NFKB1: variants seen among roughly 807,000 people sequenced by gnomAD.
The protein encoded by NFKB1 is nuclear factor kappa B subunit 1, also known as nuclear factor NF-kappa-B p105 subunit.
A neutral mutation model predicts 105.1 loss-of-function variants in NFKB1; 9 were observed. The ratio of observed to expected loss-of-function variants is 0.09; its 90% confidence interval spans 0.05 to 0.15. The LOEUF is 0.15. Among genes scored for constraint, NFKB1 ranks in the 10% least tolerant of loss-of-function variants. NFKB1 has a pLI of 1.00. For synonymous variants in NFKB1, 440 were observed against 442.2 expected, an observed-to-expected ratio of 1.00 and a Z score of 0.06; for missense variants, 830 against 1,203.7, an observed-to-expected ratio of 0.69 and a Z score of 4.59.
intron 5 of NFKB1, among the ~76,000 whole-genome samples, chr4:102,539,095 G>C (rs533213885): frequency 1.3e-5 from 2 of 152,018 alleles, no homozygotes; most frequent in African/African-American, 4.8e-5. Flanking sequence ...AAATTAGCTG[G>C]GTGTGGTGGT....
At chr4:102,563,902 A>G (rs1578766849) in intron 5 of NFKB1, among the ~76,000 whole-genome samples, 1 of 149,640 alleles carries the variant, frequency 6.7e-6, no homozygotes, top group African/African-American at 2.5e-5. Context: ...GCTCACTGCA[A>G]CCTCCACCTC....
chr4:102,514,027 T>C (rs992849329), intron 1 of NFKB1, among the ~76,000 whole-genome samples: 6 of 151,594 alleles, frequency 4.0e-5, no homozygotes, highest in African/African-American at 1.5e-4. Flanking sequence ...TACAAAAACT[T>C]AGCCAGGCGT....
intron 5 of NFKB1, among the ~76,000 whole-genome samples, chr4:102,551,365 T>TGCGCGCGC (rs35449997): frequency 5.6e-4 from 71 of 127,606 alleles, no homozygotes; most frequent in East Asian, 2.1e-3. Context: ...TGTGTGTGTG[T>TGCGCGCGC]GTGCGCGCGC....
chr4:102,612,684 C>T, intron 22 of NFKB1, 78 bp downstream of exon 22: 1 of 1,354,554 alleles, frequency 7.4e-7, no homozygotes, highest in Non-Finnish European at 1.0e-6. Context: ...GCATAATCTC[C>T]TTCCCTTTTC....
chr4:102,595,355 T>C (rs1215608560), intron 13 of NFKB1, among the ~76,000 whole-genome samples: 1 of 152,228 alleles, frequency 6.6e-6, no homozygotes, highest in Non-Finnish European at 1.5e-5. Context: ...GATCGGTCTT[T>C]TCCCATCAAG....
chr4:102,602,453 T>C (rs939169324), intron 16 of NFKB1, among the ~76,000 whole-genome samples: 2 of 150,068 alleles, frequency 1.3e-5, no homozygotes, highest in African/African-American at 4.9e-5. Flanking sequence ...GGCAGGAGAA[T>C]GGTGTGAACC....
At chr4:102,547,817 C>T (rs1446395390) in intron 5 of NFKB1, among the ~76,000 whole-genome samples, 1 of 152,082 alleles carries the variant, frequency 6.6e-6, no homozygotes, top group Non-Finnish European at 1.5e-5. Flanking sequence ...ATATTGACCC[C>T]ATATCCTTTC....
chr4:102,608,649 C>T (rs906276708), intron 19 of NFKB1, among the ~76,000 whole-genome samples: 2 of 117,404 alleles, frequency 1.7e-5, no homozygotes, highest in African/African-American at 3.8e-5. Context: ...ATCTGATATA[C>T]TTTAGAGGCT....
At chr4:102,549,188 C>T (rs67597696) in intron 5 of NFKB1, among the ~76,000 whole-genome samples, 2,695 of 151,958 alleles carry the variant, frequency 0.018, 40 homozygotes, top group African/African-American at 0.045. Flanking sequence ...TTATCGAGTT[C>T]TTACTATGTA....
rs1365284564 is a variant in NFKB1 at position 102,521,776 on chromosome 4, G to T, written c.-7-3736G>T. ...GTGCTACACTTTGGTGTTAGTGGGG[G>T]CATTGTCACACAGGTTCAGAAAATA... On this transcript the variant is annotated intron_variant, in intron 1 of 23. Transcript: ENST00000226574. 1.4e-4 allele frequency among the ~76,000 whole-genome samples: 21 copies of T among 152,202 alleles called. No homozygotes were observed. In the South Asian group the frequency reaches 3.9e-3, roughly 29 times the overall value.
chr4:102,616,001 A>G (rs1560726961), intron 23 of NFKB1, among the ~76,000 whole-genome samples: 1 of 152,252 alleles, frequency 6.6e-6, no homozygotes, highest in Non-Finnish European at 1.5e-5. Context: ...CTGTAATAGC[A>G]TATGAGGCCC....
intron 1 of NFKB1, among the ~76,000 whole-genome samples, chr4:102,518,971 G>A (rs2149106475): frequency 6.6e-6 from 1 of 152,266 alleles, no homozygotes; most frequent in East Asian, 1.9e-4. Context: ...GTCAGAGTAT[G>A]TCCGTAGGTC....
chr4:102,532,493 G>A (rs1367424444), intron 3 of NFKB1, among the ~76,000 whole-genome samples: 2 of 152,146 alleles, frequency 1.3e-5, no homozygotes, highest in Non-Finnish European at 2.9e-5. Flanking sequence ...GCTGGGCATG[G>A]TGGTAGGCGC....
chr4:102,551,855 A>G (rs1042687816), intron 5 of NFKB1, among the ~76,000 whole-genome samples: 1 of 152,210 alleles, frequency 6.6e-6, no homozygotes, highest in Non-Finnish European at 1.5e-5. Flanking sequence ...AGCTGAGACA[A>G]TGGACCCAAT....
chr4:102,564,058 G>A (rs1196257520), intron 5 of NFKB1, among the ~76,000 whole-genome samples: 6 of 151,788 alleles, frequency 4.0e-5, no homozygotes, highest in Non-Finnish European at 8.8e-5. Flanking sequence ...GACCTCAGGT[G>A]ATCTACCCGT....
In NFKB1 at chr4:102,537,881, A is replaced by C; in HGVS notation, c.183A>C (p.Val61=). Residue 61 remains valine (V), a synonymous_variant, in exon 5 of 24, where the codon GTA becomes GTC. Transcript: ENST00000226574. Reference sequence around the variant, plus strand: ...AGAGAGGATTTCGTTTCCGTTATGTATGTGAAGGCCCATCCCATGGTGGAC... The same window carrying C: ...AGAGAGGATTTCGTTTCCGTTATGTCTGTGAAGGCCCATCCCATGGTGGAC... ...PKQRGFRFRY[V]CEGPSHGGLP... 1 of 1,610,782 alleles carries C rather than the reference A, an allele frequency of 6.2e-7. No individual in the cohort carries two copies. Among genetic ancestry groups the C allele is most frequent in the Non-Finnish European group, 8.5e-7 (1 of 1,177,392 alleles).
chr4:102,523,954 G>A (rs1158665128), intron 1 of NFKB1, among the ~76,000 whole-genome samples: 1 of 151,620 alleles, frequency 6.6e-6, no homozygotes, highest in African/African-American at 2.4e-5. Context: ...TGGAAAAGGA[G>A]ACAACATATT....
intron 1 of NFKB1, among the ~76,000 whole-genome samples, chr4:102,504,055 G>T (rs1560623768): frequency 6.6e-6 from 1 of 152,166 alleles, no homozygotes; most frequent in Non-Finnish European, 1.5e-5. Context: ...TTCAGAAGAG[G>T]TGAAAGTTCT....
intron 5 of NFKB1, among the ~76,000 whole-genome samples, chr4:102,564,176 A>G (rs1040405542): frequency 6.6e-6 from 1 of 152,160 alleles, no homozygotes; most frequent in Admixed American, 6.5e-5. Flanking sequence ...AAAAAAACCT[A>G]ACAGACACAG....
Sources: gnomAD v4.1 joint callset for allele counts (sites outside exome capture counted in the v4.1 genomes callset) on GRCh38, gnomAD v4.1.1 for gene constraint, MANE v1.5 for transcripts, NCBI Gene and HGNC (gene_info 2026-07-23, HGNC 2026-07-21) for gene names.